The following ADAMTSL1 variants were observed in gnomAD, a reference collection of about 807,000 sequenced individuals.
ADAMTSL1 encodes ADAMTS like 1, also known as ADAMTS-like protein 1.
A neutral mutation model predicts 201.8 loss-of-function variants in ADAMTSL1; 126 were observed. The ratio of observed to expected loss-of-function variants is 0.62; its 90% CI spans 0.54 to 0.72. ADAMTSL1 has a LOEUF of 0.72. ADAMTSL1 is among the 30% of genes least tolerant of loss of function. ADAMTSL1 has a pLI of 0.00. For missense variants in ADAMTSL1, 2,679 were observed against 2,277.8 expected, an observed-to-expected ratio of 1.18 and a Z score of -3.59; for synonymous variants, 1,121 against 903.4, an observed-to-expected ratio of 1.24 and a Z score of -4.32.
At chr9:18,497,396 G>A (rs1822585144) in intron 1 of ADAMTSL1, among the ~76,000 whole-genome samples, 1 of 152,086 alleles carries the variant, frequency 6.6e-6, no homozygotes, top group African/African-American at 2.4e-5. Flanking sequence ...GCACTCTCTA[G>A]GTCTAGAAGC....
chr9:18,386,464 A>C lies in ADAMTSL1; in HGVS notation c.208-118365A>C, dbSNP rs189634409. ...CTTCTGTGTTCCCCACAAATTTGCTATCAGACTTCTTCATGCAAAATTTTA... is the reference window on the plus strand; with the variant it reads ...CTTCTGTGTTCCCCACAAATTTGCTCTCAGACTTCTTCATGCAAAATTTTA... On this transcript the variant is annotated intron_variant, in intron 2 of 29. Coordinates refer to the ADAMTSL1 transcript ENST00000680146. Among the ~76,000 whole-genome samples, 184 of 152,302 alleles carry C rather than the reference A, an allele frequency of 1.2e-3. 2 individuals are homozygous for C. Among genetic ancestry groups the C allele is most frequent in the African/African-American group, 4.3e-3 (179 of 41,556 alleles).
intron 2 of ADAMTSL1, among the ~76,000 whole-genome samples, chr9:18,310,325 A>T (rs1244515358): frequency 6.8e-6 from 1 of 147,396 alleles, no homozygotes; most frequent in African/African-American, 2.5e-5. Context: ...CAAAAAACAA[A>T]ATTGACATAT....
chr9:18,128,970 A>T (rs1325963819), intron 1 of ADAMTSL1, among the ~76,000 whole-genome samples: 1 of 152,240 alleles, frequency 6.6e-6, no homozygotes, highest in Non-Finnish European at 1.5e-5. Context: ...CATAGAGGCA[A>T]TCTATAAAGT....
intron 21 of ADAMTSL1, among the ~76,000 whole-genome samples, chr9:18,821,657 G>C (rs541557304): frequency 6.6e-6 from 1 of 152,250 alleles, no homozygotes; most frequent in South Asian, 2.1e-4. Context: ...TTTCCAGACT[G>C]CCTTGGTTTT....
intron 2 of ADAMTSL1, among the ~76,000 whole-genome samples, chr9:18,511,568 G>T (rs1052040114): frequency 6.6e-6 from 1 of 152,086 alleles, no homozygotes; most frequent in Non-Finnish European, 1.5e-5. Flanking sequence ...TGCCAGAATG[G>T]TGTCAACATA....
intron 2 of ADAMTSL1, among the ~76,000 whole-genome samples, chr9:18,339,941 T>C (rs970314905): frequency 2.6e-5 from 4 of 152,178 alleles, no homozygotes; most frequent in African/African-American, 4.8e-5. Flanking sequence ...CTATCAACCA[T>C]TGATCCTTTG....
intron 2 of ADAMTSL1, among the ~76,000 whole-genome samples, chr9:18,372,707 A>T (rs1456587227): frequency 1.3e-5 from 2 of 152,186 alleles, no homozygotes; most frequent in Non-Finnish European, 2.9e-5. Flanking sequence ...TCTTAATTGA[A>T]GGCTTGCTCC....
chr9:18,094,505 T>C (rs953452090), intron 1 of ADAMTSL1, among the ~76,000 whole-genome samples: 2 of 152,202 alleles, frequency 1.3e-5, no homozygotes, highest in African/African-American at 2.4e-5. Flanking sequence ...ATTTTGTGTA[T>C]GGCATCTGTG....
At chr9:18,160,536 A>C (rs1254152490) in intron 1 of ADAMTSL1, among the ~76,000 whole-genome samples, 2 of 152,020 alleles carry the variant, frequency 1.3e-5, no homozygotes, top group African/African-American at 4.8e-5. Flanking sequence ...ATGCATTTTT[A>C]TTGTACGCTA....
chr9:18,142,695 T>G (rs539719120), intron 1 of ADAMTSL1, among the ~76,000 whole-genome samples: 1 of 152,286 alleles, frequency 6.6e-6, no homozygotes, highest in Non-Finnish European at 1.5e-5. Context: ...CACAGTATGC[T>G]GGCTCTCTAA....
intron 5 of ADAMTSL1, among the ~76,000 whole-genome samples, chr9:18,634,443 G>C (rs1826970152): frequency 6.6e-6 from 1 of 152,018 alleles, no homozygotes; most frequent in Admixed American, 6.6e-5. Flanking sequence ...TGCACCTGCA[G>C]TCCCAGCTAC....
intron 1 of ADAMTSL1, among the ~76,000 whole-genome samples, chr9:18,074,867 A>C (rs781707901): frequency 6.6e-5 from 10 of 152,184 alleles, no homozygotes; most frequent in Non-Finnish European, 1.3e-4. Flanking sequence ...CTGGGATTAC[A>C]AGCGTGAGCC....
chr9:18,162,462 C>T (rs1827436184), intron 1 of ADAMTSL1, among the ~76,000 whole-genome samples: 1 of 151,906 alleles, frequency 6.6e-6, no homozygotes, highest in East Asian at 1.9e-4. Context: ...TGTATAGGTG[C>T]TGGGGGCCAA....
intron 2 of ADAMTSL1, among the ~76,000 whole-genome samples, chr9:18,281,473 G>A (rs924257905): frequency 5.3e-5 from 8 of 152,120 alleles, no homozygotes; most frequent in Non-Finnish European, 1.2e-4. Flanking sequence ...ATGAAGCTTC[G>A]GTACAGTCTA....
At chr9:18,487,993 A>G (rs1025690498) in intron 1 of ADAMTSL1, among the ~76,000 whole-genome samples, 12 of 152,204 alleles carry the variant, frequency 7.9e-5, no homozygotes, top group Non-Finnish European at 1.8e-4. Flanking sequence ...AAGGGTTCGT[A>G]ATGGCATATA....
chr9:18,402,900 C>G (rs1275746278), intron 2 of ADAMTSL1, among the ~76,000 whole-genome samples: 2 of 152,106 alleles, frequency 1.3e-5, no homozygotes, highest in African/African-American at 4.8e-5. Context: ...CAGACATTTA[C>G]TAGATGCTAG....
intron 2 of ADAMTSL1, among the ~76,000 whole-genome samples, chr9:18,359,810 G>GCCCC (rs1458111666): frequency 1.0e-3 from 88 of 87,310 alleles, no homozygotes; most frequent in Admixed American, 1.8e-3. Flanking sequence ...CAGGGTTAAT[G>GCCCC]CCCCACCTCC....
chr9:18,610,385 A>G (rs1194017545), intron 4 of ADAMTSL1, among the ~76,000 whole-genome samples: 1 of 152,172 alleles, frequency 6.6e-6, no homozygotes, highest in Non-Finnish European at 1.5e-5. Context: ...CATGCATTTG[A>G]GATACTTTTG....
At chr9:18,751,193 G>A (rs1481069338) in intron 15 of ADAMTSL1, among the ~76,000 whole-genome samples, 1 of 152,166 alleles carries the variant, frequency 6.6e-6, no homozygotes, top group Admixed American at 6.5e-5. Flanking sequence ...CTCAATCTAA[G>A]GGTTTAAAAA....
Sources: allele counts gnomAD v4.1 joint callset (sites outside exome capture counted in the v4.1 genomes callset), GRCh38; gene constraint gnomAD v4.1.1; transcripts MANE v1.5; gene names NCBI Gene and HGNC (gene_info 2026-07-23, HGNC 2026-07-21).